The following GRM5 variants were observed in gnomAD, a reference collection of about 807,000 sequenced individuals.
GRM5 encodes glutamate metabotropic receptor 5.
A neutral mutation model predicts 83.1 loss-of-function variants in GRM5; 19 were observed. The ratio of observed to expected loss-of-function variants is 0.23; its 90% CI spans 0.16 to 0.34. GRM5 has a LOEUF of 0.34. Among genes scored for constraint, GRM5 ranks in the 10% least tolerant of loss-of-function variants. The pLI, the probability that GRM5 is intolerant of heterozygous loss-of-function variation, is 1.00. For synonymous variants in GRM5, 675 were observed against 633.6 expected (o/e 1.07, Z -0.98); for missense variants, 1,160 against 1,588.3 (o/e 0.73, Z 4.58).
intron 2 of GRM5, among the ~76,000 whole-genome samples, chr11:88,930,682 G>T (rs1937674411): frequency 6.6e-6 from 1 of 151,894 alleles, no homozygotes; most frequent in African/African-American, 2.4e-5. Flanking sequence ...TGAGTAGCTG[G>T]GATTACAGGC....
At chr11:88,786,020 G>A (rs980315826) in intron 3 of GRM5, among the ~76,000 whole-genome samples, 4 of 152,104 alleles carry the variant, frequency 2.6e-5, no homozygotes, top group Non-Finnish European at 5.9e-5. Flanking sequence ...CCAAGGGGAA[G>A]CATACATTTT....
At chr11:89,043,820 T>G (rs561456682) in intron 2 of GRM5, among the ~76,000 whole-genome samples, 1 of 152,264 alleles carries the variant, frequency 6.6e-6, no homozygotes, top group South Asian at 2.1e-4. Flanking sequence ...CTCACATGTT[T>G]GAGGTCAACT....
chr11:88,568,469 G>A (rs1165167854), intron 7 of GRM5, among the ~76,000 whole-genome samples: 1 of 152,126 alleles, frequency 6.6e-6, no homozygotes, highest in African/African-American at 2.4e-5. Flanking sequence ...GGCATGAAGG[G>A]AAGCCACTGT....
chr11:89,051,535 C>G (rs1190031908), intron 1 of GRM5, among the ~76,000 whole-genome samples: 1 of 151,918 alleles, frequency 6.6e-6, no homozygotes, highest in East Asian at 1.9e-4. Context: ...CATGGTGAAA[C>G]CCCGTCTCTA....
chr11:88,644,763 G>A (rs939905146), intron 4 of GRM5, among the ~76,000 whole-genome samples: 1 of 152,110 alleles, frequency 6.6e-6, no homozygotes, highest in African/African-American at 2.4e-5. Context: ...AGAAACTTGT[G>A]TTAGTGTGTA....
At chr11:88,590,067 A>T (rs1014532636) in intron 7 of GRM5, among the ~76,000 whole-genome samples, 11 of 152,212 alleles carry the variant, frequency 7.2e-5, no homozygotes, top group African/African-American at 2.7e-4. Flanking sequence ...AAACAAAACA[A>T]AAAAGAAAAA....
At chr11:88,681,565 CTTTTTTTTTTT>C (rs796854617) in intron 3 of GRM5, among the ~76,000 whole-genome samples, 3 of 25,402 alleles carry the variant, frequency 1.2e-4, no homozygotes, top group Non-Finnish European at 1.6e-4. Context: ...TGAGTTCTTC[CTTTTTTTTTTT>C]TTTTTTTTTT....
At chr11:88,889,883 CT>C (rs1945112725) in intron 2 of GRM5, among the ~76,000 whole-genome samples, 1 of 152,210 alleles carries the variant, frequency 6.6e-6, no homozygotes, top group South Asian at 2.1e-4. Context: ...CTTTCTTTTC[CT>C]CATGAAACCC....
At chr11:88,872,570 G>A (rs1944787873) in intron 2 of GRM5, among the ~76,000 whole-genome samples, 2 of 151,362 alleles carry the variant, frequency 1.3e-5, no homozygotes, top group African/African-American at 4.8e-5. Flanking sequence ...CTGCAAGGAA[G>A]GGATGAAAAA....
chr11:88,572,994 T>G (rs1479579254), intron 7 of GRM5, among the ~76,000 whole-genome samples: 4 of 152,148 alleles, frequency 2.6e-5, no homozygotes, highest in Non-Finnish European at 5.9e-5. Flanking sequence ...ATGCACAGTA[T>G]TATATTATTT....
chr11:88,670,387 A>G (rs117190337), intron 3 of GRM5, among the ~76,000 whole-genome samples: 1 of 152,012 alleles, frequency 6.6e-6, no homozygotes, highest in Non-Finnish European at 1.5e-5. Context: ...AATTGTTAAA[A>G]GTATCTATAA....
At chr11:88,731,258 T>C (rs1175030940) in intron 3 of GRM5, among the ~76,000 whole-genome samples, 1 of 152,070 alleles carries the variant, frequency 6.6e-6, no homozygotes, top group Admixed American at 6.6e-5. Context: ...TACATGAGTC[T>C]CTAGTAATGT....
chr11:88,748,915 G>A (rs11021160), intron 3 of GRM5, among the ~76,000 whole-genome samples: 9,293 of 152,000 alleles, frequency 0.061, 466 homozygotes, highest in Admixed American at 0.16. Context: ...CATCAACAGA[G>A]AAACCCCACA....
Position 88,567,443 on chromosome 11 carries a change from T to C in GRM5, c.2240A>G (p.Asn747Ser). 6.2e-7 allele frequency: 1 copy of C among 1,614,118 alleles called. No individual in the cohort carries two copies. The highest frequency in any genetic ancestry group is 8.5e-7 in the Non-Finnish European group (1 of 1,179,950). Residue 747 changes from asparagine to serine, a missense_variant, in exon 8 of 10, where the codon AAT (asparagine) becomes AGT (serine). This residue lies in a region of GRM5 where 66 missense variants were observed against 138.6 expected (regional missense o/e 0.48). Coordinates refer to ENST00000305447, the MANE Select transcript of GRM5 (RefSeq NM_001143831.3). This position sits in a 1 kb window ranked among gnomAD's most constrained non-coding sequence, Gnocchi z 7.3. Reference protein sequence around the residue: ...NLGVVTPLGYNGLLILSCTFY... With the variant: ...NLGVVTPLGYSGLLILSCTFY... ...GGTGCAGCTCAAAATCAACAATCCA[T>C]TGTATCCAAGTGGAGTGACAACTCC...
At chr11:88,529,772 G>C (rs1178892469) in intron 8 of GRM5, among the ~76,000 whole-genome samples, 2 of 151,942 alleles carry the variant, frequency 1.3e-5, no homozygotes, top group Non-Finnish European at 2.9e-5. Flanking sequence ...ACAGTCTCAA[G>C]ACTATTTGGG....
chr11:88,637,865 T>C (rs1401933355), intron 4 of GRM5, among the ~76,000 whole-genome samples: 2 of 149,750 alleles, frequency 1.3e-5, no homozygotes, highest in Admixed American at 1.3e-4. Flanking sequence ...TGTATGTTTA[T>C]TGCGGCATTA....
At chr11:88,553,659 G>A (rs971007574) in intron 8 of GRM5, among the ~76,000 whole-genome samples, 1 of 152,168 alleles carries the variant, frequency 6.6e-6, no homozygotes, top group Non-Finnish European at 1.5e-5. Flanking sequence ...TAAGTAGGGG[G>A]AATTGGTAGA....
chr11:88,740,041 G>T (rs1941995934), intron 3 of GRM5, among the ~76,000 whole-genome samples: 1 of 152,050 alleles, frequency 6.6e-6, no homozygotes, highest in African/African-American at 2.4e-5. Context: ...CATTATGTTA[G>T]TGTTCAATTT....
chr11:88,848,366 T>C (rs1199904261), intron 3 of GRM5, among the ~76,000 whole-genome samples: 1 of 152,200 alleles, frequency 6.6e-6, no homozygotes, highest in African/African-American at 2.4e-5. Context: ...ATAAAATGGC[T>C]GTCATAAAAT....
Sources: allele counts gnomAD v4.1 joint callset (sites outside exome capture counted in the v4.1 genomes callset), GRCh38; gene constraint gnomAD v4.1.1; regional missense constraint gnomAD v4.1.1; non-coding constraint Gnocchi (gnomAD v3.1); transcripts MANE v1.5; gene names NCBI Gene and HGNC (gene_info 2026-07-23, HGNC 2026-07-21).